The following CTNND2 variants were observed in gnomAD, a reference collection of about 807,000 sequenced individuals.
CTNND2 encodes catenin delta 2.
CTNND2 carries 22 observed loss-of-function variants against 144.4 expected under a neutral mutation model. That is an observed-to-expected ratio of 0.15 (90% CI 0.11 to 0.22). CTNND2 has a LOEUF of 0.22. Ranked by LOEUF, CTNND2 falls within the 10% of genes least tolerant of loss-of-function variation. The pLI is 1.00. For synonymous variants in CTNND2, 751 were observed against 695.6 expected (o/e 1.08, Z -1.25); for missense variants, 1,353 against 1,618.8 (o/e 0.84, Z 2.82).
intron 18 of CTNND2, among the ~76,000 whole-genome samples, chr5:11,005,121 G>A (rs1740345854): frequency 6.6e-6 from 1 of 152,208 alleles, no homozygotes; most frequent in Non-Finnish European, 1.5e-5. Flanking sequence ...AGTTACACTG[G>A]GGCAGCAATA....
intron 7 of CTNND2, among the ~76,000 whole-genome samples, chr5:11,365,992 T>A (rs1756947046): frequency 1.3e-5 from 2 of 152,120 alleles, no homozygotes; most frequent in African/African-American, 4.8e-5. Flanking sequence ...CATGGCGTAA[T>A]GGGATTTAAC....
intron 3 of CTNND2, among the ~76,000 whole-genome samples, chr5:11,559,113 A>C (rs1214496281): frequency 6.6e-6 from 1 of 152,198 alleles, no homozygotes; most frequent in Admixed American, 6.5e-5. Flanking sequence ...TTAATTATAG[A>C]ATTAATATAC....
chr5:11,782,563 G>T (rs546303450), intron 1 of CTNND2, among the ~76,000 whole-genome samples: 1 of 152,286 alleles, frequency 6.6e-6, no homozygotes, highest in Non-Finnish European at 1.5e-5. Context: ...TGTTTCTCTT[G>T]TGAAGTCTCA....
chr5:11,454,504 A>G (rs995026071), intron 3 of CTNND2, among the ~76,000 whole-genome samples: 5 of 152,200 alleles, frequency 3.3e-5, no homozygotes, highest in African/African-American at 1.2e-4. Context: ...ATTCATACAA[A>G]TCAAGTATTT....
intron 1 of CTNND2, among the ~76,000 whole-genome samples, chr5:11,780,348 T>G (rs1790479231): frequency 6.6e-6 from 1 of 152,126 alleles, no homozygotes. Flanking sequence ...CACAGCCAAT[T>G]TGAGTAGGAC....
rs565505331 is a variant in CTNND2 at position 11,244,586 on chromosome 5, G to A, written c.1629-7763C>T. Among the ~76,000 whole-genome samples the A allele has an allele frequency of 2.0e-5, 3 of 152,228 alleles. No individual in the cohort carries two copies. The South Asian group carries it at 6.2e-4, about 32-fold the overall frequency. ...AGGCATGAACCACGGCGCCCGGCCT[G>A]TCCTATAAAATTAATCACATTTTTT... On this transcript the variant is annotated intron_variant, in intron 9 of 21. Transcript: ENST00000304623.
rs1758585044 is a variant in CTNND2 at position 11,159,775 on chromosome 5, A to C, written c.1976-16T>G. On this transcript the variant is annotated splice_polypyrimidine_tract_variant and intron_variant, in intron 11 of 21. Transcript: ENST00000304623. ...CAAAGGACTCCTGCAAGAGACACAC[A>C]AAAAGAGGTTTTGGGTGGCCACAAG... The C allele has an allele frequency of 6.5e-7, 1 of 1,548,380 alleles. No individual in the cohort carries two copies. The highest frequency in any genetic ancestry group is 8.7e-7 in the Non-Finnish European group (1 of 1,145,850).
chr5:11,331,330 C>T (rs529345940), intron 9 of CTNND2, among the ~76,000 whole-genome samples: 1 of 152,230 alleles, frequency 6.6e-6, no homozygotes, highest in African/African-American at 2.4e-5. Context: ...CTGCTTTCCT[C>T]CTCAGTATGA....
chr5:11,188,043 G>T (rs959150363), intron 11 of CTNND2, among the ~76,000 whole-genome samples: 1 of 152,152 alleles, frequency 6.6e-6, no homozygotes, highest in Non-Finnish European at 1.5e-5. Flanking sequence ...AGAAAATGTG[G>T]TGATTCCATG....
intron 2 of CTNND2, among the ~76,000 whole-genome samples, chr5:11,669,248 G>A (rs1783744565): frequency 6.6e-6 from 1 of 152,172 alleles, no homozygotes; most frequent in Non-Finnish European, 1.5e-5. Context: ...TCTCTGCCAG[G>A]TTTTGATATC....
At chr5:11,287,936 T>G (rs1327960342) in intron 9 of CTNND2, among the ~76,000 whole-genome samples, 1 of 152,178 alleles carries the variant, frequency 6.6e-6, no homozygotes, top group Non-Finnish European at 1.5e-5. Flanking sequence ...TCAGCTGTAG[T>G]TTTTTTATTT....
intron 16 of CTNND2, among the ~76,000 whole-genome samples, chr5:11,031,646 T>C (rs1375905984): frequency 6.6e-6 from 1 of 152,114 alleles, no homozygotes; most frequent in East Asian, 1.9e-4. Context: ...TTTGAGTCAG[T>C]GGATTGGGAG....
chr5:11,818,517 AC>A (rs1374143745), intron 1 of CTNND2, among the ~76,000 whole-genome samples: 1 of 151,924 alleles, frequency 6.6e-6, no homozygotes, highest in African/African-American at 2.4e-5. Context: ...TACAGCTGCC[AC>A]CACCATGCCC....
At chr5:11,842,701 A>G (rs1315296122) in intron 1 of CTNND2, among the ~76,000 whole-genome samples, 1 of 151,068 alleles carries the variant, frequency 6.6e-6, no homozygotes, top group East Asian at 1.9e-4. Context: ...CCTGGGTGAC[A>G]GAGACAGACT....
intron 3 of CTNND2, among the ~76,000 whole-genome samples, chr5:11,548,072 T>C (rs1412444582): frequency 6.6e-6 from 1 of 151,836 alleles, no homozygotes; most frequent in African/African-American, 2.4e-5. Context: ...AAAAAATGCA[T>C]GAACTACCAG....
chr5:11,674,942 GGTCTC>G (rs1784095532), intron 2 of CTNND2, among the ~76,000 whole-genome samples: 3 of 152,028 alleles, frequency 2.0e-5, no homozygotes, highest in African/African-American at 7.2e-5. Context: ...TGGCCGGGCT[GGTCTC>G]AAATTCCTGA....
At chr5:11,421,908 T>C (rs1054448608) in intron 3 of CTNND2, among the ~76,000 whole-genome samples, 15 of 152,288 alleles carry the variant, frequency 9.8e-5, no homozygotes, top group Admixed American at 5.2e-4. Context: ...ATTTGTAAAA[T>C]AGAGATATCA....
At chr5:11,720,015 A>G (rs1786577131) in intron 2 of CTNND2, among the ~76,000 whole-genome samples, 1 of 152,192 alleles carries the variant, frequency 6.6e-6, no homozygotes, top group African/African-American at 2.4e-5. Context: ...GCCACACCCC[A>G]GGCTAAAAAG....
At chr5:11,259,316 T>C (rs1744608864) in intron 9 of CTNND2, among the ~76,000 whole-genome samples, 1 of 152,174 alleles carries the variant, frequency 6.6e-6, no homozygotes, top group African/African-American at 2.4e-5. Context: ...TCCTGGGATA[T>C]ACCCTTTTAG....
Sources: gnomAD v4.1 joint callset for allele counts (sites outside exome capture counted in the v4.1 genomes callset) on GRCh38, gnomAD v4.1.1 for gene constraint, MANE v1.5 for transcripts, NCBI Gene and HGNC (gene_info 2026-07-23, HGNC 2026-07-21) for gene names.